The following PDE11A variants were observed in gnomAD, a reference collection of about 807,000 sequenced individuals.
The protein encoded by PDE11A is dual 3',5'-cyclic-AMP and -GMP phosphodiesterase 11A.
In PDE11A, 100 loss-of-function variants were observed where a neutral mutation model predicts 100.5. The ratio of observed to expected loss-of-function variants is 1.00; its 90% CI spans 0.85 to 1.18. The LOEUF (loss-of-function observed/expected upper bound fraction) is 1.18, where lower values mean the gene tolerates loss of function less well. Ranked by LOEUF, PDE11A falls within the 50% of genes most tolerant of loss-of-function variation. The pLI, the probability that PDE11A is intolerant of heterozygous loss-of-function variation, is 0.00. For missense variants in PDE11A, 1,141 were observed against 1,152.6 expected (o/e 0.99, Z 0.15); for synonymous variants, 381 against 420.8 (o/e 0.91, Z 1.16).
At chr2:177,731,014 C>T (rs2081680252) in intron 10 of PDE11A, among the ~76,000 whole-genome samples, 1 of 152,202 alleles carries the variant, frequency 6.6e-6, no homozygotes, top group South Asian at 2.1e-4. Flanking sequence ...TACTCTACCT[C>T]CTACAAGTAG....
chr2:177,743,528 G>T (rs1311287963), intron 10 of PDE11A, among the ~76,000 whole-genome samples: 2 of 152,180 alleles, frequency 1.3e-5, no homozygotes, highest in Admixed American at 6.5e-5. Context: ...AAGGGTACAG[G>T]GTAGAGATGT....
chr2:177,714,954 C>T (rs35773107), intron 12 of PDE11A, among the ~76,000 whole-genome samples: 2,646 of 152,318 alleles, frequency 0.017, 30 homozygotes, highest in Non-Finnish European at 0.025. Flanking sequence ...GCTTCCTCCA[C>T]CGTCATTCAG....
chr2:177,773,515 T>C (rs550699641), intron 9 of PDE11A, among the ~76,000 whole-genome samples: 1 of 152,344 alleles, frequency 6.6e-6, no homozygotes, highest in Admixed American at 6.5e-5. Context: ...ATGGGCCACA[T>C]CTTAGACCTA....
chr2:178,081,974 G>C (rs1351597258), intron 2 of PDE11A, among the ~76,000 whole-genome samples: 1 of 152,172 alleles, frequency 6.6e-6, no homozygotes, highest in Non-Finnish European at 1.5e-5. Flanking sequence ...AATTGAAGTG[G>C]GAGCAGTGCT....
At chr2:177,709,448 G>C (rs1376044736) in intron 13 of PDE11A, among the ~76,000 whole-genome samples, 2 of 152,182 alleles carry the variant, frequency 1.3e-5, no homozygotes, top group Non-Finnish European at 2.9e-5. Flanking sequence ...CCATTCCTTG[G>C]GGTAGAGAAT....
intron 16 of PDE11A, among the ~76,000 whole-genome samples, chr2:177,678,964 T>G (rs2105502712): frequency 6.6e-6 from 1 of 151,100 alleles, no homozygotes; most frequent in South Asian, 2.1e-4. Flanking sequence ...TGGGGGACAG[T>G]TCTGTTTAGT....
intron 6 of PDE11A, among the ~76,000 whole-genome samples, chr2:177,836,270 T>A (rs1280415617): frequency 6.6e-6 from 1 of 152,100 alleles, no homozygotes; most frequent in African/African-American, 2.4e-5. Context: ...TAGTGGGGAC[T>A]TGGAGAACCT....
At chr2:177,965,173 A>C (rs893686563) in intron 2 of PDE11A, among the ~76,000 whole-genome samples, 1 of 152,134 alleles carries the variant, frequency 6.6e-6, no homozygotes, top group African/African-American at 2.4e-5. Context: ...TCTTCTTTTG[A>C]GAAGTGTCTG....
Position 178,072,461 on chromosome 2 carries a change from T to C in PDE11A, c.-24A>G, listed in dbSNP as rs1462131631. 1 of 1,612,488 alleles carries C rather than the reference T, an allele frequency of 6.2e-7. No homozygotes were observed. The highest frequency in any genetic ancestry group is 8.5e-7 in the Non-Finnish European group (1 of 1,180,014). The stretch of plus-strand genomic sequence containing the variant: ...ATGGTCCCAGACAGCTTTCCTTGCC[T>C]GTTTACACGTGAACCAAATGTTTTC... On this transcript the variant is annotated 5_prime_UTR_variant, in exon 1 of 20. Transcript: ENST00000286063.
intron 19 of PDE11A, among the ~76,000 whole-genome samples, chr2:177,635,759 C>T (rs902076890): frequency 9.9e-5 from 15 of 151,928 alleles, no homozygotes; most frequent in African/African-American, 3.1e-4. Flanking sequence ...ATATTTGCCC[C>T]TTTTTACAAA....
At chr2:177,951,491 C>T (rs1559021157) in intron 2 of PDE11A, among the ~76,000 whole-genome samples, 1 of 152,042 alleles carries the variant, frequency 6.6e-6, no homozygotes, top group East Asian at 1.9e-4. Flanking sequence ...AAAATCCTAC[C>T]CCACTTGAAA....
chr2:177,835,406 C>A (rs1281961649), intron 6 of PDE11A, among the ~76,000 whole-genome samples: 1 of 152,172 alleles, frequency 6.6e-6, no homozygotes, highest in Admixed American at 6.5e-5. Context: ...TTGTGTCCCC[C>A]TACTACAGGA....
chr2:178,084,700 A>C lies in PDE11A; in HGVS notation c.162+19602T>G, dbSNP rs980391361. Among the ~76,000 whole-genome samples the C allele has an allele frequency of 5.9e-5, 9 of 152,232 alleles. 1 individual carries two copies. The South Asian group carries it at 1.7e-3, about 28-fold the overall frequency. ...TGGGTTCAACAGAAAGATTGTATGAAGTGAAAATACAAGCAAAAAGAAATG... is the reference window on the plus strand; with the variant it reads ...TGGGTTCAACAGAAAGATTGTATGACGTGAAAATACAAGCAAAAAGAAATG... On this transcript the variant is annotated intron_variant, in intron 2 of 20. Coordinates refer to the PDE11A transcript ENST00000358450.
At chr2:177,882,582 G>T (rs1430509073) in intron 4 of PDE11A, among the ~76,000 whole-genome samples, 1 of 152,100 alleles carries the variant, frequency 6.6e-6, no homozygotes, top group African/African-American at 2.4e-5. Flanking sequence ...GTAAAAAAGA[G>T]AATCTTATAA....
intron 2 of PDE11A, among the ~76,000 whole-genome samples, chr2:178,101,456 T>A (rs186517385): frequency 6.6e-6 from 1 of 152,220 alleles, no homozygotes; most frequent in Non-Finnish European, 1.5e-5. Flanking sequence ...AAGTTTTTAA[T>A]TGGGGCTTCA....
At chr2:177,824,934 T>C (rs2083204546) in intron 6 of PDE11A, among the ~76,000 whole-genome samples, 1 of 152,238 alleles carries the variant, frequency 6.6e-6, no homozygotes, top group Non-Finnish European at 1.5e-5. Flanking sequence ...TTTGAATTTC[T>C]TGGCTATTAG....
At chr2:177,821,754 T>G (rs2083144837) in intron 6 of PDE11A, among the ~76,000 whole-genome samples, 2 of 151,994 alleles carry the variant, frequency 1.3e-5, no homozygotes, top group South Asian at 4.1e-4. Context: ...TAAGTCTGTT[T>G]TCCTGACATA....
At chr2:177,795,973 A>ATC (rs1159927647) in intron 9 of PDE11A, among the ~76,000 whole-genome samples, 1 of 129,408 alleles carries the variant, frequency 7.7e-6, no homozygotes, top group Admixed American at 7.7e-5. Flanking sequence ...ATATATATAT[A>ATC]TATCTTTGCT....
At chr2:177,762,850 G>A (rs1661717052) in intron 10 of PDE11A, among the ~76,000 whole-genome samples, 1 of 152,176 alleles carries the variant, frequency 6.6e-6, no homozygotes, top group South Asian at 2.1e-4. Context: ...ACCACAGGAT[G>A]TATTTTGGTC....
Sources: allele counts gnomAD v4.1 joint callset (sites outside exome capture counted in the v4.1 genomes callset), GRCh38; gene constraint gnomAD v4.1.1; transcripts MANE v1.5; gene names NCBI Gene and HGNC (gene_info 2026-07-23, HGNC 2026-07-21).